BLTP3B: variants seen among roughly 807,000 people sequenced by gnomAD.
BLTP3B encodes the protein bridge-like lipid transfer protein family member 3B.
the BLTP3B span, chr12:100,057,598 T>G: frequency 6.2e-7 from 1 of 1,610,830 alleles, no homozygotes; most frequent in South Asian, 1.1e-5. Context: ...TGGCTATCAC[T>G]TCCATCACTT....
the BLTP3B span, among the ~76,000 whole-genome samples, chr12:100,052,068 AT>A: frequency 0.062 from 8,824 of 142,760 alleles, 291 homozygotes; most frequent in South Asian, 0.072. Context: ...TTCCCTTTAA[AT>A]TTTTTTTTTT....
chr12:100,098,852 T>C, the BLTP3B span, among the ~76,000 whole-genome samples: 1 of 151,970 alleles, frequency 6.6e-6, no homozygotes, highest in African/African-American at 2.4e-5. Context: ...GAGGTTGCGG[T>C]TAGCTCAGAT....
the BLTP3B span, among the ~76,000 whole-genome samples, chr12:100,104,479 C>G: frequency 6.6e-6 from 1 of 151,678 alleles, no homozygotes; most frequent in East Asian, 1.9e-4. Context: ...GCTGGGATTA[C>G]AGGCACGCAC....
chr12:100,059,111 G>A, the BLTP3B span: 3 of 1,614,070 alleles, frequency 1.9e-6, no homozygotes, highest in South Asian at 1.1e-5. Context: ...TGGAAAGAGG[G>A]AATGAGTCTA....
the BLTP3B span, chr12:100,058,454 G>C: frequency 6.2e-7 from 1 of 1,613,228 alleles, no homozygotes. Flanking sequence ...CCTTTAAAGG[G>C]ATATGGCTAA....
the BLTP3B span, chr12:100,037,539 A>G: frequency 6.5e-7 from 1 of 1,546,500 alleles, no homozygotes; most frequent in East Asian, 2.3e-5. Flanking sequence ...TTGTCTTTTC[A>G]TGAAAATAAA....
At chr12:100,082,903 T>A in the BLTP3B span, 1 of 758,568 alleles carries the variant, frequency 1.3e-6, no homozygotes, top group South Asian at 2.0e-5. Flanking sequence ...ATATGGCCAT[T>A]TCATAAACCT....
At chr12:100,099,091 C>G in the BLTP3B span, among the ~76,000 whole-genome samples, 1 of 151,676 alleles carries the variant, frequency 6.6e-6, no homozygotes, top group Non-Finnish European at 1.5e-5. Flanking sequence ...CTCCCGGGTT[C>G]CAGCAATTCT....
the BLTP3B span, chr12:100,083,111 T>C: frequency 6.2e-7 from 1 of 1,613,670 alleles, no homozygotes; most frequent in Non-Finnish European, 8.5e-7. Flanking sequence ...GTTCTGCATG[T>C]CCCTTTCAGA....
chr12:100,131,370 A>T, the BLTP3B span, among the ~76,000 whole-genome samples: 2 of 151,430 alleles, frequency 1.3e-5, no homozygotes, highest in Non-Finnish European at 2.9e-5. Flanking sequence ...TAATTTATTT[A>T]AAAAATTTTT....
At chr12:100,097,242 G>A in the BLTP3B span, 2 of 945,588 alleles carry the variant, frequency 2.1e-6, no homozygotes, top group Non-Finnish European at 3.0e-6. Flanking sequence ...CTGGTAATAT[G>A]CCAATATTTC....
At chr12:100,054,919 T>C in the BLTP3B span, among the ~76,000 whole-genome samples, 1 of 152,194 alleles carries the variant, frequency 6.6e-6, no homozygotes, top group Non-Finnish European at 1.5e-5. Flanking sequence ...AAGTGATCAA[T>C]AATAATAACC....
chr12:100,128,763 C>G, the BLTP3B span: 1 of 1,243,464 alleles, frequency 8.0e-7, no homozygotes, highest in Non-Finnish European at 1.0e-6. Context: ...CAGAAGGGAG[C>G]AAGTTTAAGG....
the BLTP3B span, among the ~76,000 whole-genome samples, chr12:100,053,159 C>T: frequency 1.3e-5 from 2 of 151,884 alleles, no homozygotes; most frequent in African/African-American, 2.4e-5. Context: ...AATCCCAGCA[C>T]TTTGGGAGGC....
At chr12:100,130,975 G>GAA in the BLTP3B span, among the ~76,000 whole-genome samples, 2 of 83,954 alleles carry the variant, frequency 2.4e-5, no homozygotes, top group African/African-American at 1.7e-4. Context: ...GAGAGAGAGA[G>GAA]AGGGAGGGAG....
the BLTP3B span, among the ~76,000 whole-genome samples, chr12:100,130,949 C>CATACATACAT: frequency 6.1e-3 from 593 of 97,556 alleles, 10 homozygotes; most frequent in African/African-American, 0.033. Context: ...TACATACATA[C>CATACATACAT]ATATATATAT....
the BLTP3B span, chr12:100,060,034 G>T: frequency 2.5e-6 from 4 of 1,593,022 alleles, no homozygotes; most frequent in Non-Finnish European, 3.4e-6. Flanking sequence ...ATAGAGGTTG[G>T]GAGATGGAAC....
At chr12:100,086,038 A>T in the BLTP3B span, among the ~76,000 whole-genome samples, 4 of 152,014 alleles carry the variant, frequency 2.6e-5, no homozygotes, top group African/African-American at 9.7e-5. Context: ...TATTTGGAAA[A>T]CTGTCAATTT....
At chr12:100,048,735 G>GGGGAGA in the BLTP3B span, among the ~76,000 whole-genome samples, 4,148 of 119,334 alleles carry the variant, frequency 0.035, 183 homozygotes, top group Non-Finnish European at 0.041. Flanking sequence ...GTAAGGGGGG[G>GGGGAGA]GAGAGAGAGA....
Sources: allele counts gnomAD v4.1 joint callset (sites outside exome capture counted in the v4.1 genomes callset), GRCh38; gene constraint gnomAD v4.1.1; transcripts MANE v1.5; gene names NCBI Gene and HGNC (gene_info 2026-07-23, HGNC 2026-07-21).